Variants in KHDRBS2 observed in about 807,000 individuals in gnomAD.
KHDRBS2 encodes the protein KH RNA binding domain containing, signal transduction associated 2, also known as KH domain-containing, RNA-binding, signal transduction-associated protein 2.
Under a neutral mutation model 44.3 loss-of-function variants are expected in KHDRBS2, and 26 were observed. That is an observed-to-expected ratio of 0.59 (90% CI 0.43 to 0.81). The LOEUF (loss-of-function observed/expected upper bound fraction) is 0.81, where lower values mean the gene tolerates loss of function less well. Ranked by LOEUF, KHDRBS2 falls within the 40% of genes least tolerant of loss-of-function variation. KHDRBS2 has a pLI of 0.00. For missense variants in KHDRBS2, 476 were observed against 433.1 expected (o/e 1.10, Z -0.88); for synonymous variants, 194 against 151.1 (o/e 1.28, Z -2.08).
chr6:61,880,114 C>T (rs1222480909), intron 6 of KHDRBS2, among the ~76,000 whole-genome samples: 3 of 151,774 alleles, frequency 2.0e-5, no homozygotes, highest in Non-Finnish European at 4.4e-5. Flanking sequence ...TTGATGAAAT[C>T]AGGTTCAGAT....
chr6:62,104,033 AAC>A (rs2127376232), intron 2 of KHDRBS2, among the ~76,000 whole-genome samples: 1 of 152,334 alleles, frequency 6.6e-6, no homozygotes, highest in African/African-American at 2.4e-5. Flanking sequence ...GGGGCTGAAG[AAC>A]ACAGAAATAA....
intron 6 of KHDRBS2, among the ~76,000 whole-genome samples, chr6:61,773,871 G>C (rs919797065): frequency 5.6e-4 from 85 of 150,472 alleles, no homozygotes; most frequent in Middle Eastern, 3.4e-3. Context: ...TGGCTAGCCA[G>C]TTTTCCCAGC....
rs1554169468 is a variant in KHDRBS2, at chr6:61,715,983, A to AACAT, written c.893+16698_893+16699insATGT. Among the ~76,000 whole-genome samples, 277 of 149,674 alleles carry AACAT rather than the reference A, an allele frequency of 1.9e-3. 3 individuals carry two copies. The highest frequency in any genetic ancestry group is 6.4e-3 in the African/African-American group (260 of 40,680). On this transcript the variant is annotated intron_variant, in intron 7 of 8. Coordinates refer to ENST00000281156, the MANE Select transcript of KHDRBS2 (RefSeq NM_152688.4). ...GGTTATATTTTTTTAAAATGGCTAC[A>AACAT]TTTTTTTTTCCATTCTCGAACCATG...
In KHDRBS2 at chr6:61,933,983, A is replaced by C. The variant is rs181472779; in HGVS notation, c.484-32612T>G. 6.2e-3 allele frequency among the ~76,000 whole-genome samples: 949 copies of C among 152,216 alleles called. 5 individuals are homozygous for C. Among genetic ancestry groups the C allele is most frequent in the Middle Eastern group, 0.017 (5 of 294 alleles). On this transcript the variant is annotated intron_variant, in intron 4 of 8. Coordinates refer to ENST00000281156, the MANE Select transcript of KHDRBS2 (RefSeq NM_152688.4). ...ACTGGCTTTCTTTCATAATTTTTTG[A>C]TAATGGACACATGGACATTCTAACT...
At chr6:61,858,913 G>A (rs1349610409) in intron 6 of KHDRBS2, among the ~76,000 whole-genome samples, 4 of 151,706 alleles carry the variant, frequency 2.6e-5, no homozygotes, top group Non-Finnish European at 5.9e-5. Flanking sequence ...TTGTATAGTT[G>A]TATATATATT....
At chr6:62,037,553 G>A (rs1322830377) in intron 3 of KHDRBS2, among the ~76,000 whole-genome samples, 4 of 151,784 alleles carry the variant, frequency 2.6e-5, no homozygotes, top group Non-Finnish European at 5.9e-5. Context: ...ACCCAAAAAC[G>A]AAGAGAAAAC....
At chr6:61,978,425 C>A in intron 3 of KHDRBS2, among the ~76,000 whole-genome samples, 1 of 151,932 alleles carries the variant, frequency 6.6e-6, no homozygotes, top group Non-Finnish European at 1.5e-5. Flanking sequence ...ATTTTAAAAA[C>A]CGGCATAATT....
chr6:62,208,468 A>ATC (rs1472339159), intron 1 of KHDRBS2, among the ~76,000 whole-genome samples: 1 of 152,140 alleles, frequency 6.6e-6, no homozygotes, highest in Non-Finnish European at 1.5e-5. Flanking sequence ...CATTTTCTTT[A>ATC]TCTATTTGTG....
chr6:62,074,554 T>C (rs148342761), intron 2 of KHDRBS2, among the ~76,000 whole-genome samples: 1 of 152,028 alleles, frequency 6.6e-6, no homozygotes, highest in African/African-American at 2.4e-5. Context: ...CACAAATTCA[T>C]TTTGTACCTT....
chr6:62,168,682 C>T (rs1277037807), intron 2 of KHDRBS2, among the ~76,000 whole-genome samples: 1 of 151,980 alleles, frequency 6.6e-6, no homozygotes. Context: ...CAACTTTATA[C>T]CCTAAGCTAT....
chr6:61,845,585 G>A (rs1794285914), intron 6 of KHDRBS2, among the ~76,000 whole-genome samples: 1 of 152,146 alleles, frequency 6.6e-6, no homozygotes, highest in Admixed American at 6.5e-5. Flanking sequence ...TGGGATTACA[G>A]GCGTGAGCCT....
At chr6:61,716,563 A>T (rs9450419) in intron 7 of KHDRBS2, among the ~76,000 whole-genome samples, 120,160 of 151,286 alleles carry the variant, frequency 0.79, 48,183 homozygotes, top group African/African-American at 0.89. Flanking sequence ...TCATTTTTTT[A>T]AAAAAACCTA....
intron 2 of KHDRBS2, among the ~76,000 whole-genome samples, chr6:62,152,916 A>G (rs1224307271): frequency 6.6e-6 from 1 of 152,208 alleles, no homozygotes; most frequent in Non-Finnish European, 1.5e-5. Flanking sequence ...TTCAAATTGC[A>G]TATTTAGATT....
At chr6:61,692,705 A>G (rs549571999) in intron 8 of KHDRBS2, among the ~76,000 whole-genome samples, 80 of 152,218 alleles carry the variant, frequency 5.3e-4, no homozygotes, top group African/African-American at 1.9e-3. Context: ...CTTATTTCAA[A>G]TCATTTCTAG....
chr6:61,892,996 C>G (rs1159152035), intron 6 of KHDRBS2, among the ~76,000 whole-genome samples: 2 of 152,098 alleles, frequency 1.3e-5, no homozygotes, highest in South Asian at 2.1e-4. Flanking sequence ...TTTTCACAAC[C>G]TACTCATCTG....
At chr6:61,841,597 A>C (rs1421754497) in intron 6 of KHDRBS2, among the ~76,000 whole-genome samples, 2 of 152,052 alleles carry the variant, frequency 1.3e-5, no homozygotes, top group Non-Finnish European at 2.9e-5. Flanking sequence ...TGTGCATTAG[A>C]CTCATGTTAT....
At chr6:61,585,349 T>A in the KHDRBS2 span, among the ~76,000 whole-genome samples, 1 of 152,068 alleles carries the variant, frequency 6.6e-6, no homozygotes, top group Non-Finnish European at 1.5e-5. Flanking sequence ...GAAAGCATTT[T>A]ACAGTGTTCC....
intron 4 of KHDRBS2, among the ~76,000 whole-genome samples, chr6:61,969,891 AC>A (rs1770961187): frequency 1.3e-5 from 2 of 151,926 alleles, no homozygotes; most frequent in African/African-American, 4.8e-5. Flanking sequence ...TCAAAAAAAA[AC>A]ATATAAAATC....
chr6:62,130,987 T>A (rs1414087165), intron 2 of KHDRBS2, among the ~76,000 whole-genome samples: 1 of 152,088 alleles, frequency 6.6e-6, no homozygotes, highest in Non-Finnish European at 1.5e-5. Flanking sequence ...TGTACTAGTA[T>A]GATTACATAA....
Sources: allele counts gnomAD v4.1 joint callset (sites outside exome capture counted in the v4.1 genomes callset), GRCh38; gene constraint gnomAD v4.1.1; transcripts MANE v1.5; gene names NCBI Gene and HGNC (gene_info 2026-07-23, HGNC 2026-07-21).